Variants in TNXB observed in about 807,000 individuals in gnomAD.
TNXB encodes the protein tenascin XB, also known as tenascin-X.
In TNXB, 183 loss-of-function variants were observed where a neutral mutation model predicts 340.5. That is an observed-to-expected ratio of 0.54 (90% confidence interval 0.48 to 0.61). The LOEUF (loss-of-function observed/expected upper bound fraction) is 0.61, where lower values mean the gene tolerates loss of function less well. Among genes scored for constraint, TNXB ranks in the 20% least tolerant of loss-of-function variants. The pLI, the probability that TNXB is intolerant of heterozygous loss-of-function variation, is 0.00. For synonymous variants in TNXB, 2,121 were observed against 2,314.5 expected (o/e 0.92, Z 2.40); for missense variants, 4,613 against 5,446.4 (o/e 0.85, Z 4.82).
Position 32,043,567 on chromosome 6 carries a change from G to C in TNXB, c.11531-11C>G, listed in dbSNP as rs776363006. 9.4e-7 allele frequency: 1 copy of C among 1,067,546 alleles called. No homozygotes were observed. Among genetic ancestry groups the C allele is most frequent in the Non-Finnish European group, 1.4e-6 (1 of 715,840 alleles). The allele number at this position is 1,067,546 out of a possible 1,614,324, so 66.1% of individuals were successfully genotyped here. A position where few individuals can be genotyped will look rare whatever the true frequency, so the allele number is the denominator to read the frequency against. ...TGGGACCGTCAGGAACTGGGGGAAG[G>C]GGAGGGGCTCAGAAGGGTCCCCGCG... On this transcript the variant is annotated splice_polypyrimidine_tract_variant and intron_variant, in intron 35 of 43. Coordinates refer to ENST00000644971, the MANE Select transcript of TNXB (RefSeq NM_001365276.2).
Position 32,051,942 on chromosome 6 carries a change from C to T in TNXB, c.9115+728G>A, listed in dbSNP as rs750103996. Among the ~76,000 whole-genome samples, 6 of 151,936 alleles carry T rather than the reference C, an allele frequency of 3.9e-5. No individual in the cohort carries two copies. Among genetic ancestry groups the T allele is most frequent in the Non-Finnish European group, 5.9e-5 (4 of 68,002 alleles). On this transcript the variant is annotated intron_variant, in intron 26 of 43. Coordinates refer to ENST00000644971, the MANE Select transcript of TNXB (RefSeq NM_001365276.2). The surrounding 1 kb of genome is among the most constrained non-coding windows in gnomAD (Gnocchi z 4.7). ...CTGGGGCAAGGGGAGAATGGGAGTT[C>T]GTGTCTAGTGGGTAGGAAGTTTCAG...
intron 4 of TNXB, among the ~76,000 whole-genome samples, chr6:32,093,923 G>A (rs1052281269): frequency 5.3e-5 from 8 of 151,632 alleles, no homozygotes; most frequent in African/African-American, 9.7e-5. Context: ...GAGAAACCCC[G>A]TCTCTACTAA....
Position 32,062,323 on chromosome 6 carries a change from C to G in TNXB, c.7002G>C (p.Leu2334=). 2 of 1,613,512 alleles carry G rather than the reference C, an allele frequency of 1.2e-6. No individual in the cohort carries two copies. Among genetic ancestry groups the G allele is most frequent in the South Asian group, 1.1e-5 (1 of 91,082 alleles). The part of the protein sequence containing the change: ...TVPEGQFDHF[L]VQYKNGDGQP... ...GCCCATCCCCATTCTTGTACTGGAC[C>G]AGGAAGTGGTCAAACTGTCCCTCGG... Residue 2334 remains leucine, a synonymous_variant, in exon 20 of 44, where the codon CTG becomes CTC. Coordinates refer to ENST00000644971, the MANE Select transcript of TNXB (RefSeq NM_001365276.2). This position sits in a 1 kb window ranked among gnomAD's most constrained non-coding sequence, Gnocchi z 4.3.
Position 32,052,520 on chromosome 6 carries a change from A to T in TNXB, c.9115+150T>A. Reference sequence around the variant, plus strand: ...CTCTTGCCCTAGGCCAAGCCTGCTGAATCCAAATCTGCTTTTTAACAAAAA... The same window carrying T: ...CTCTTGCCCTAGGCCAAGCCTGCTGTATCCAAATCTGCTTTTTAACAAAAA... On this transcript the variant is annotated intron_variant, in intron 26 of 43. Transcript: ENST00000644971. The surrounding 1 kb of genome is among the most constrained non-coding windows in gnomAD (Gnocchi z 4.7). The T allele has an allele frequency of 9.1e-7, 1 of 1,103,010 alleles. No homozygotes were observed. The highest frequency in any genetic ancestry group is 1.3e-6 in the Non-Finnish European group (1 of 793,098). The allele number at this position is 1,103,010 out of a possible 1,614,324, so 68.3% of individuals were successfully genotyped here.
rs768953393 is a variant in TNXB, at chr6:32,056,651, T to G, written c.8078A>C (p.Lys2693Thr). 1.9e-6 allele frequency: 3 copies of G among 1,613,130 alleles called. No homozygotes were observed. The highest frequency in any genetic ancestry group is 1.7e-6 in the Non-Finnish European group (2 of 1,179,884). The change falls in exon 23 of 44, where the codon AAG becomes ACG. Residue 2693 changes from lysine (K) to threonine (T), a missense_variant. Coordinates refer to ENST00000644971, the MANE Select transcript of TNXB (RefSeq NM_001365276.2). ...ACCGTGGAAGCCGTACAGGTTCATCTTGTATTTATGGTCTGGCTCCAGGCC... is the reference window on the plus strand; with the variant it reads ...ACCGTGGAAGCCGTACAGGTTCATCGTGTATTTATGGTCTGGCTCCAGGCC... ...ISGLEPDHKYKMNLYGFHGGQ... is the reference protein window; with the variant it reads ...ISGLEPDHKYTMNLYGFHGGQ...
In TNXB at chr6:32,047,845, G is replaced by T. The variant is rs1173480804; in HGVS notation, c.10213C>A (p.Gln3405Lys). ...RLQVVPVAAN[Q>K]REVTVQGLEP... Reference sequence around the variant, plus strand: ...AGGCCCTGGACTGTGACCTCCCGCTGGTTGGCTGCCACCGGCACCACCTGG... The same window carrying T: ...AGGCCCTGGACTGTGACCTCCCGCTTGTTGGCTGCCACCGGCACCACCTGG... Residue 3405 changes from glutamine to lysine, a missense_variant, in exon 30 of 44, where the codon CAG (glutamine) becomes AAG (lysine). By Grantham distance (53) the Gln-to-Lys change is moderately conservative (BLOSUM62 1). Coordinates refer to ENST00000644971, the MANE Select transcript of TNXB (RefSeq NM_001365276.2). This position sits in a 1 kb window ranked among gnomAD's most constrained non-coding sequence, Gnocchi z 6.2. The T allele has an allele frequency of 6.2e-7, 1 of 1,612,032 alleles. No individual in the cohort carries two copies. The highest frequency in any genetic ancestry group is 1.1e-5 in the South Asian group (1 of 90,974).
At chr6:32,048,931 G>A (rs1009045807) in intron 28 of TNXB, among the ~76,000 whole-genome samples, 2 of 152,192 alleles carry the variant, frequency 1.3e-5, no homozygotes, top group East Asian at 1.9e-4. Context: ...CACTACATTC[G>A]AAGGCACATG....
Position 32,055,957 on chromosome 6 carries a change from G to A in TNXB, c.8361C>T (p.Ser2787=), listed in dbSNP as rs751580206. 6.2e-7 allele frequency: 1 copy of A among 1,613,452 alleles called. No individual in the cohort carries two copies. Among genetic ancestry groups the A allele is most frequent in the Non-Finnish European group, 8.5e-7 (1 of 1,179,874 alleles). Residue 2787 remains serine (S), a synonymous_variant, in exon 24 of 44, where the codon AGC becomes AGT. Coordinates refer to ENST00000644971, the MANE Select transcript of TNXB (RefSeq NM_001365276.2). ...GCTCCAGGCCCCCCACGGTGACCTCGCTCTCCTCGCCCCTGACACGCATCA... is the reference window on the plus strand; with the variant it reads ...GCTCCAGGCCCCCCACGGTGACCTCACTCTCCTCGCCCCTGACACGCATCA... ...PQVMRVRGEE[S]EVTVGGLEPG...
chr6:32,101,431 G>C (rs1403959440), intron 1 of TNXB, among the ~76,000 whole-genome samples: 3 of 152,012 alleles, frequency 2.0e-5, no homozygotes, highest in Non-Finnish European at 4.4e-5. Context: ...TGGGACTACA[G>C]GCGCCCACCA....
rs572382771 is a variant in TNXB, at chr6:32,043,729, C to G, written c.11530+20G>C. The G allele has an allele frequency of 5.6e-6, 9 of 1,613,414 alleles. No individual in the cohort carries two copies. The highest frequency in any genetic ancestry group is 1.3e-5 in the African/African-American group (1 of 74,918). ...TTTTCTTGGCTCCCACCTCTTGCCC[C>G]GGGTCCCAGTCCATCTCACCCGTGG... is the stretch of plus-strand genomic sequence containing the variant. On this transcript the variant is annotated intron_variant, in intron 35 of 43. Coordinates refer to ENST00000644971, the MANE Select transcript of TNXB (RefSeq NM_001365276.2).
In TNXB at chr6:32,046,242, G is replaced by A; in HGVS notation, c.10539C>T (p.Tyr3513=). 6.2e-7 allele frequency: 1 copy of A among 1,605,238 alleles called. No homozygotes were observed. Among genetic ancestry groups the A allele is most frequent in the African/African-American group, 1.3e-5 (1 of 75,034 alleles). Reference sequence around the variant, plus strand: ...CAAGGAGCCCGTAGAGCAGAAACTTGTATTTCTTGCCAGGCTCCAGGTCCT... The same window carrying A: ...CAAGGAGCCCGTAGAGCAGAAACTTATATTTCTTGCCAGGCTCCAGGTCCT... ...TVEDLEPGKK[Y]KFLLYGLLGG... is the part of the protein sequence containing the mutation. Residue 3513 remains tyrosine (Y), a synonymous_variant, in exon 31 of 44, where the codon TAC becomes TAT. Transcript: ENST00000644971. The surrounding 1 kb of genome is among the most constrained non-coding windows in gnomAD (Gnocchi z 6.9).
At position 32,058,254 on chromosome 6, in the gene TNXB, G is replaced by A. The variant is rs766723354; in HGVS notation, c.7629C>T (p.Thr2543=). The change falls in exon 22 of 44, where the codon ACC becomes ACT. Residue 2543 remains threonine (T), a synonymous_variant. Transcript: ENST00000644971. The surrounding 1 kb of genome is among the most constrained non-coding windows in gnomAD (Gnocchi z 5.1). ...AGGAGTCAAAGCGGCCCTGGGGGAC[G>A]GTCCAGGAAAGGCTCAGCGAGTCAG... The part of the protein sequence containing the change: ...SSPDSLSLSW[T]VPQGRFDSFT... 50 of 1,612,308 alleles carry A rather than the reference G, an allele frequency of 3.1e-5. No individual in the cohort carries two copies. The highest frequency in any genetic ancestry group is 4.0e-5 in the African/African-American group (3 of 74,788).
rs756050937 is a variant in TNXB at position 32,068,441 on chromosome 6, C to T, written c.6169G>A (p.Gly2057Ser). 5.7e-5 allele frequency: 92 copies of T among 1,613,900 alleles called. No homozygotes were observed. The Middle Eastern group carries it at 8.3e-4, about 14-fold the overall frequency. ...PDHKYKMNLY[G>S]FHGGQRMGPV... ...CCCATGCGCTGGCCACCGTGGAAGC[C>T]GTACAGGTTCATCTTGTATTTATGG... The change falls in exon 17 of 44, where the codon GGC becomes AGC. Residue 2057 changes from glycine (G) to serine (S), a missense_variant. By Grantham distance (56) the Gly-to-Ser change is moderately conservative. Coordinates refer to ENST00000644971, the MANE Select transcript of TNXB (RefSeq NM_001365276.2). The surrounding 1 kb of genome is among the most constrained non-coding windows in gnomAD (Gnocchi z 5.3).
intron 4 of TNXB, among the ~76,000 whole-genome samples, chr6:32,091,196 C>T (rs1198948096): frequency 2.0e-5 from 3 of 152,084 alleles, no homozygotes; most frequent in African/African-American, 4.8e-5. Flanking sequence ...TCGCGAGCTC[C>T]GCCTCCCGGG....
Position 32,048,378 on chromosome 6 carries a change from C to A in TNXB, c.10030G>T (p.Val3344Leu). The change falls in exon 29 of 44, where the codon GTG becomes TTG. Residue 3344 changes from valine (V) to leucine (L), a missense_variant. Val to Leu is a conservative substitution (Grantham distance 32). Transcript: ENST00000644971. ...CCTCACTCACCGGTCCTGGCCTCCACAGGGACTGGGCCGTGGCGTTTCCCA... is the reference window on the plus strand; with the variant it reads ...CCTCACTCACCGGTCCTGGCCTCCAAAGGGACTGGGCCGTGGCGTTTCCCA... ...QNGKRHGPVP[V>L]EARTAPDTKP... 1 of 1,504,260 alleles carries A rather than the reference C, an allele frequency of 6.6e-7. No homozygotes were observed. The highest frequency in any genetic ancestry group is 8.9e-7 in the Non-Finnish European group (1 of 1,123,508). 93.2% of individuals were successfully genotyped at this position (1,504,260 alleles called of 1,614,324 possible). A position where few individuals can be genotyped will look rare whatever the true frequency, so the allele number is the denominator to read the frequency against.
At chr6:32,055,090 C>CTT (rs1777546339) in intron 24 of TNXB, among the ~76,000 whole-genome samples, 7 of 152,164 alleles carry the variant, frequency 4.6e-5, no homozygotes, top group Non-Finnish European at 1.0e-4. Context: ...CTCTAGTTGA[C>CTT]CTCCCCAAAG....
chr6:32,078,091 G>GAAAGAA (rs1554327316), intron 11 of TNXB, among the ~76,000 whole-genome samples: 51 of 131,874 alleles, frequency 3.9e-4, no homozygotes, highest in African/African-American at 1.2e-3. Flanking sequence ...AAGAAAGAAA[G>GAAAGAA]AAAGAAAGAA....
Position 32,046,022 on chromosome 6 carries a change from C to G in TNXB, c.10606+153G>C. On this transcript the variant is annotated intron_variant, in intron 31 of 43. Coordinates refer to ENST00000644971, the MANE Select transcript of TNXB (RefSeq NM_001365276.2). The surrounding 1 kb of genome is among the most constrained non-coding windows in gnomAD (Gnocchi z 6.9). ...CTGGACTCCTTGATGGATGTTGAAG[C>G]CCACAGGGCTGCAGACTCCTCCTCC... The G allele has an allele frequency of 7.2e-7, 1 of 1,387,098 alleles. No homozygotes were observed. The highest frequency in any genetic ancestry group is 9.3e-7 in the Non-Finnish European group (1 of 1,072,318). 85.9% of individuals were successfully genotyped at this position (1,387,098 alleles called of 1,614,324 possible).
At chr6:32,104,331 G>A (rs1213097597) in intron 1 of TNXB, among the ~76,000 whole-genome samples, 1 of 152,058 alleles carries the variant, frequency 6.6e-6, no homozygotes, top group African/African-American at 2.4e-5. Context: ...ATATCCACCT[G>A]CCTACTTGGC....
Sources: allele counts gnomAD v4.1 joint callset (sites outside exome capture counted in the v4.1 genomes callset), GRCh38; gene constraint gnomAD v4.1.1; non-coding constraint Gnocchi (gnomAD v3.1); transcripts MANE v1.5; gene names NCBI Gene and HGNC (gene_info 2026-07-23, HGNC 2026-07-21).